ANKRD62: variants seen among roughly 807,000 people sequenced by gnomAD.
ANKRD62 encodes the protein ankyrin repeat domain 62.
Under a neutral mutation model 98.8 loss-of-function variants are expected in ANKRD62, and 61 were observed. The observed-to-expected ratio is 0.62, with a 90% CI of 0.50 to 0.76. The LOEUF is 0.76. Ranked by LOEUF, ANKRD62 falls within the 30% of genes least tolerant of loss-of-function variation. The probability of loss-of-function intolerance (pLI) is 0.00; values close to 1 mark genes in which losing one functional copy is unlikely to be tolerated. For missense variants in ANKRD62, 933 were observed against 1,082.9 expected, an observed-to-expected ratio of 0.86 and a Z score of 1.94; for synonymous variants, 341 against 367.9, an observed-to-expected ratio of 0.93 and a Z score of 0.84.
the ANKRD62 span, among the ~76,000 whole-genome samples, chr18:12,176,122 G>T: frequency 6.6e-6 from 1 of 151,786 alleles, no homozygotes; most frequent in Non-Finnish European, 1.5e-5. Context: ...AACCTGGGAG[G>T]CAGAGGTTGC....
intron 7 of ANKRD62, among the ~76,000 whole-genome samples, chr18:12,105,248 C>G (rs1909387931): frequency 6.6e-6 from 1 of 152,150 alleles, no homozygotes; most frequent in Non-Finnish European, 1.5e-5. Context: ...TTCCACAAAC[C>G]ATTATATCAT....
intron 7 of ANKRD62, among the ~76,000 whole-genome samples, chr18:12,104,319 A>G (rs1909368520): frequency 6.6e-6 from 1 of 152,166 alleles, no homozygotes; most frequent in African/African-American, 2.4e-5. Flanking sequence ...GAAATTTAAC[A>G]GTTAAATTTT....
At chr18:12,163,170 TG>T in the ANKRD62 span, among the ~76,000 whole-genome samples, 124 of 152,184 alleles carry the variant, frequency 8.1e-4, 2 homozygotes, top group East Asian at 0.02. Flanking sequence ...TTCCATTTTT[TG>T]TGTCCTCTTA....
chr18:12,099,644 C>G lies in ANKRD62; in HGVS notation c.782C>G (p.Ala261Gly), dbSNP rs961842540. The change falls in exon 6 of 14, where the codon GCA becomes GGA. Residue 261 changes from alanine (A) to glycine (G), a missense_variant. Coordinates refer to ENST00000587848, the MANE Select transcript of ANKRD62 (RefSeq NM_001277333.2). Reference protein sequence around the residue: ...AIRGMISEYKANKRCKSLQNS... With the variant: ...AIRGMISEYKGNKRCKSLQNS... ...CGTGGAATGATTTCTGAATATAAAG[C>G]AAACAAGAGATGTAAAAGTCTTCAA... 6.7e-7 allele frequency: 1 copy of G among 1,491,622 alleles called. No homozygotes were observed. The highest frequency in any genetic ancestry group is 8.9e-7 in the Non-Finnish European group (1 of 1,122,522). The allele number at this position is 1,491,622 out of a possible 1,614,324, so 92.4% of individuals were successfully genotyped here. A position where few individuals can be genotyped will look rare whatever the true frequency, so the allele number is the denominator to read the frequency against.
At position 12,116,407 on chromosome 18, in the gene ANKRD62, G is replaced by A. The variant is rs186639796; in HGVS notation, c.1240+873G>A. Among the ~76,000 whole-genome samples the A allele has an allele frequency of 2.6e-3, 390 of 152,258 alleles. 2 individuals are homozygous for A. The highest frequency in any genetic ancestry group is 4.0e-3 in the Non-Finnish European group (269 of 68,022). ...ATGCATGATCCTAATGACTAAACAT[G>A]TTCACCTCATATACACAAACTTTGT... On this transcript the variant is annotated intron_variant, in intron 10 of 13. Coordinates refer to ENST00000587848, the MANE Select transcript of ANKRD62 (RefSeq NM_001277333.2).
intron 5 of ANKRD62, chr18:12,098,321 A>G (rs1440567604): frequency 1.3e-5 from 2 of 152,310 alleles, no homozygotes; most frequent in Non-Finnish European, 2.9e-5. Context: ...ATTACCTCAT[A>G]GGAAGCCATT....
At chr18:12,115,052 A>G (rs1909631377) in intron 8 of ANKRD62, 36 bp from the exon 9 acceptor site, 1 of 1,367,452 alleles carries the variant, frequency 7.3e-7, no homozygotes, top group Admixed American at 3.2e-5. Context: ...CATATTTACT[A>G]TTTGCCTGAT....
chr18:12,150,432 A>G, the ANKRD62 span, among the ~76,000 whole-genome samples: 2 of 152,188 alleles, frequency 1.3e-5, no homozygotes, highest in African/African-American at 2.4e-5. Flanking sequence ...GAATCAAACA[A>G]ATTCAGGAAA....
At chr18:12,166,563 G>A in the ANKRD62 span, among the ~76,000 whole-genome samples, 16 of 151,336 alleles carry the variant, frequency 1.1e-4, no homozygotes, top group African/African-American at 3.9e-4. Context: ...TAGTTTCCTC[G>A]AAACACCCAC....
intron 6 of ANKRD62, 37 bp downstream of exon 6, chr18:12,099,719 T>A (rs2143896765): frequency 8.2e-7 from 1 of 1,221,304 alleles, no homozygotes; most frequent in East Asian, 2.8e-5. Flanking sequence ...TCGATGGTCC[T>A]GTCATAGATA....
At chr18:12,169,041 G>A in the ANKRD62 span, among the ~76,000 whole-genome samples, 21,435 of 152,088 alleles carry the variant, frequency 0.14, 1,869 homozygotes, top group Non-Finnish European at 0.2. Context: ...GGGCTGAGAC[G>A]ACGAGGTTTT....
At chr18:12,133,311 C>T (rs1171795072), downstream of ANKRD62, among the ~76,000 whole-genome samples, 1 of 152,112 alleles carries the variant, frequency 6.6e-6, no homozygotes, top group East Asian at 1.9e-4. Context: ...TTTTATTTAA[C>T]AGTTGATGGA....
rs1909960680 is a variant in ANKRD62, at chr18:12,129,393, G to A, written c.*1454G>A. The A allele has an allele frequency of 6.6e-6, 1 of 152,156 alleles. No individual in the cohort carries two copies. The allele number at this position is 152,156 out of a possible 1,614,324, so 9.4% of individuals were successfully genotyped here. A position where few individuals can be genotyped will look rare whatever the true frequency, so the allele number is the denominator to read the frequency against. On this transcript the variant is annotated 3_prime_UTR_variant, in exon 14 of 14. Coordinates refer to ENST00000587848, the MANE Select transcript of ANKRD62 (RefSeq NM_001277333.2). ...ACACTACAGTTACAGCACAAAAGTAGCCGTAAACAATATGCAGACTGAAGG... is the reference window on the plus strand; with the variant it reads ...ACACTACAGTTACAGCACAAAAGTAACCGTAAACAATATGCAGACTGAAGG...
the ANKRD62 span, among the ~76,000 whole-genome samples, chr18:12,152,737 TCAAA>T: frequency 1.3e-5 from 2 of 152,096 alleles, no homozygotes; most frequent in African/African-American, 2.4e-5. Flanking sequence ...ACCAGAGCAA[TCAAA>T]CAAATAAATA....
the ANKRD62 span, among the ~76,000 whole-genome samples, chr18:12,139,453 G>A: frequency 6.6e-6 from 1 of 151,994 alleles, no homozygotes; most frequent in African/African-American, 2.4e-5. Flanking sequence ...GACCATCCTG[G>A]CTAACATGGT....
the ANKRD62 span, among the ~76,000 whole-genome samples, chr18:12,151,101 A>C: frequency 6.6e-6 from 1 of 152,238 alleles, no homozygotes; most frequent in African/African-American, 2.4e-5. Flanking sequence ...AAATCTACCA[A>C]GCAAATGGAA....
chr18:12,153,365 G>A, the ANKRD62 span, among the ~76,000 whole-genome samples: 2 of 152,058 alleles, frequency 1.3e-5, no homozygotes, highest in Non-Finnish European at 2.9e-5. Flanking sequence ...CCAAAGTGGG[G>A]TGAATCACTT....
In ANKRD62 at chr18:12,093,936, G is replaced by A. The variant is rs1435179323; in HGVS notation, c.-82G>A. The A allele has an allele frequency of 1.5e-6, 2 of 1,370,430 alleles. No individual in the cohort carries two copies. Among genetic ancestry groups the A allele is most frequent in the South Asian group, 1.3e-5 (1 of 78,810 alleles). 84.9% of individuals were successfully genotyped at this position (1,370,430 alleles called of 1,614,324 possible). On this transcript the variant is annotated 5_prime_UTR_variant, in exon 1 of 14. Coordinates refer to ENST00000587848, the MANE Select transcript of ANKRD62 (RefSeq NM_001277333.2). ...GGACCTGGTTACGTGCTGGTGCTGC[G>A]CTCCAGAGAGGCAGAAAACGAGTGG...
rs1433400717 is a variant in ANKRD62 at position 12,107,386 on chromosome 18, T to A, written c.983T>A (p.Val328Asp). ...ADDSDNYNDD[V>D]DELIHKIKNR... Reference sequence around the variant, plus strand: ...GACAGTGACAATTATAATGATGATGTTGATGAATTAATTCACAAAATAAAG... The same window carrying A: ...GACAGTGACAATTATAATGATGATGATGATGAATTAATTCACAAAATAAAG... Residue 328 changes from valine (V) to aspartate (D), a missense_variant, in exon 8 of 14, where the codon GTT becomes GAT. This residue lies in a region of ANKRD62 where 549 missense variants were observed against 587.9 expected (regional missense o/e 0.93). Transcript: ENST00000587848. 6.6e-7 allele frequency: 1 copy of A among 1,525,908 alleles called. No individual in the cohort carries two copies. The highest frequency in any genetic ancestry group is 8.8e-7 in the Non-Finnish European group (1 of 1,142,226). The allele number at this position is 1,525,908 out of a possible 1,614,324, so 94.5% of individuals were successfully genotyped here. A position where few individuals can be genotyped will look rare whatever the true frequency, so the allele number is the denominator to read the frequency against.
Sources: allele counts gnomAD v4.1 joint callset (sites outside exome capture counted in the v4.1 genomes callset), GRCh38; gene constraint gnomAD v4.1.1; regional missense constraint gnomAD v4.1.1; transcripts MANE v1.5; gene names NCBI Gene and HGNC (gene_info 2026-07-23, HGNC 2026-07-21).